Variants in TTI1 observed in about 807,000 individuals in gnomAD.
The protein encoded by TTI1 is TELO2 interacting protein 1.
In TTI1, 52 loss-of-function variants were observed where a neutral mutation model predicts 85.4. That is an observed-to-expected ratio of 0.61 (90% confidence interval 0.49 to 0.77). TTI1 has a LOEUF of 0.77. TTI1 is among the 30% of genes least tolerant of loss of function. The probability of loss-of-function intolerance (pLI) is 0.00; values close to 1 mark genes in which losing one functional copy is unlikely to be tolerated. For synonymous variants in TTI1, 512 were observed against 503.9 expected (o/e 1.02, Z -0.22); for missense variants, 1,173 against 1,296.0 (o/e 0.91, Z 1.46).
At position 37,983,522 on chromosome 20, in the gene TTI1, G is replaced by A. The variant is rs201384308; in HGVS notation, c.3204C>T (p.His1068=). Residue 1068 remains histidine (H), a synonymous_variant, in exon 8 of 8, where the codon CAC becomes CAT. Coordinates refer to ENST00000373447, the MANE Select transcript of TTI1 (RefSeq NM_001303457.2). The stretch of plus-strand genomic sequence containing the variant: ...AGGGGTTCTGCTGCCCGCTGGCCCC[G>A]TGCAGCTGCACAGGGTGGAGGCTGG... The part of the protein sequence containing the change: ...PHPSLHPVQL[H]GASGQQNPYT... 103 of 1,611,702 alleles carry A rather than the reference G, an allele frequency of 6.4e-5. 1 individual carries two copies. The African/African-American group carries it at 6.4e-4, about 10-fold the overall frequency.
chr20:37,996,881 G>A lies in TTI1; in HGVS notation c.2866C>T (p.Leu956=). ...SRFCKDVLPK[L]AGSLVTQAPI... Reference sequence around the variant, plus strand: ...GCCTGGGTGACTAGGGAGCCAGCCAGCTTTGGCAGGACATCTTTGCAGAAC... The same window carrying A: ...GCCTGGGTGACTAGGGAGCCAGCCAACTTTGGCAGGACATCTTTGCAGAAC... The change falls in exon 6 of 8, where the codon CTG becomes TTG. Residue 956 remains leucine, a synonymous_variant. Coordinates refer to ENST00000373447, the MANE Select transcript of TTI1 (RefSeq NM_001303457.2). 1.2e-6 allele frequency: 2 copies of A among 1,614,170 alleles called. No homozygotes were observed. Among genetic ancestry groups the A allele is most frequent in the Non-Finnish European group, 1.7e-6 (2 of 1,180,042 alleles).
intron 1 of TTI1, among the ~76,000 whole-genome samples, chr20:38,020,323 A>AAAAAAAATATATATATATATATAT: frequency 6.0e-5 from 3 of 50,380 alleles, no homozygotes; most frequent in African/African-American, 1.8e-4. Flanking sequence ...AAAAAAAAAA[A>AAAAAAAATATATATATATATATAT]ATATATATAT....
intron 1 of TTI1, among the ~76,000 whole-genome samples, chr20:38,019,317 A>G (rs902916148): frequency 1.3e-5 from 2 of 152,198 alleles, no homozygotes; most frequent in African/African-American, 2.4e-5. Flanking sequence ...GTAAATATAA[A>G]AAAATTAACT....
Position 38,012,693 on chromosome 20 carries a change from G to C in TTI1, c.1124C>G (p.Ser375Ter), listed in dbSNP as rs368184145. 1 of 1,614,218 alleles carries C rather than the reference G, an allele frequency of 6.2e-7. No individual in the cohort carries two copies. The highest frequency in any genetic ancestry group is 8.5e-7 in the Non-Finnish European group (1 of 1,180,042). The change falls in exon 2 of 8, where the codon TCA becomes TGA. Residue 375 changes from serine to a stop codon, truncating the protein, a stop_gained. Transcript: ENST00000373447. LOFTEE classifies it high-confidence loss of function. ...VGNKALADIL[S>*]ESLHSLATSL... ...TGTGGCAAGGGAATGCAGGCTTTCT[G>C]ACAAGATGTCAGCGAGGGCTTTGTT... is the stretch of plus-strand genomic sequence containing the variant.
chr20:37,985,979 G>A (rs2073185541), intron 7 of TTI1, among the ~76,000 whole-genome samples: 5 of 152,182 alleles, frequency 3.3e-5, no homozygotes, highest in African/African-American at 2.4e-5. Flanking sequence ...GATGAGGCCT[G>A]CGTGGGAGAC....
At chr20:38,002,226 A>G (rs1456733040) in intron 4 of TTI1, among the ~76,000 whole-genome samples, 1 of 152,156 alleles carries the variant, frequency 6.6e-6, no homozygotes, top group Non-Finnish European at 1.5e-5. Context: ...AGTCTATATT[A>G]GGAAGTGTTC....
intron 2 of TTI1, among the ~76,000 whole-genome samples, chr20:38,008,018 T>C (rs1313737705): frequency 6.6e-6 from 1 of 152,242 alleles, no homozygotes; most frequent in Non-Finnish European, 1.5e-5. Context: ...TGCTCACAAA[T>C]GGCTTTTAAA....
At position 38,008,561 on chromosome 20, in the gene TTI1, C is replaced by T. The variant is rs1600632011; in HGVS notation, c.2303-2164G>A. 1.1e-4 allele frequency among the ~76,000 whole-genome samples: 17 copies of T among 152,298 alleles called. No individual in the cohort carries two copies. The South Asian group carries it at 3.5e-3, about 32-fold the overall frequency. On this transcript the variant is annotated intron_variant, in intron 2 of 7. Transcript: ENST00000373447. ...CAGCTAACCAGCAGTTGGGATTAAG[C>T]AGTAATTAACTGATGCTTCTTGCCC... is the stretch of plus-strand genomic sequence containing the variant.
chr20:38,006,035 G>T, intron 3 of TTI1, 162 bp downstream of exon 3: 2 of 849,444 alleles, frequency 2.4e-6, no homozygotes, highest in Non-Finnish European at 3.6e-6. Flanking sequence ...TAACAGAAAA[G>T]AATGGAAAAA....
chr20:38,025,379 G>C (rs901768621), intron 1 of TTI1, among the ~76,000 whole-genome samples: 1 of 152,030 alleles, frequency 6.6e-6, no homozygotes, highest in African/African-American at 2.4e-5. Context: ...GACCAGCCTG[G>C]CCAACATGGT....
chr20:38,006,159 G>A, intron 3 of TTI1, 38 bp downstream of exon 3: 1 of 1,608,826 alleles, frequency 6.2e-7, no homozygotes, highest in Non-Finnish European at 8.5e-7. Context: ...ATCTGTTTCA[G>A]AAAGAAAAAA....
intron 7 of TTI1, among the ~76,000 whole-genome samples, chr20:37,992,109 C>A (rs901127482): frequency 6.6e-6 from 1 of 152,206 alleles, no homozygotes; most frequent in African/African-American, 2.4e-5. Flanking sequence ...ATAACAGCAT[C>A]CAGGACTTGC....
intron 1 of TTI1, among the ~76,000 whole-genome samples, chr20:38,014,097 T>A (rs2073646540): frequency 6.6e-6 from 1 of 152,116 alleles, no homozygotes; most frequent in Non-Finnish European, 1.5e-5. Context: ...GGAAGTCATA[T>A]CCTGAGGAAG....
intron 1 of TTI1, among the ~76,000 whole-genome samples, chr20:38,020,164 G>A (rs1196851281): frequency 2.0e-5 from 3 of 151,310 alleles, no homozygotes; most frequent in Non-Finnish European, 2.9e-5. Context: ...TTGGCATAAA[G>A]AAAAATGAAC....
intron 2 of TTI1, 88 bp downstream of exon 2, chr20:38,011,427 A>G (rs923726360): frequency 2.7e-6 from 4 of 1,464,492 alleles, no homozygotes; most frequent in Admixed American, 4.2e-5. Flanking sequence ...TAGCATCACC[A>G]CAAACAATGC....
intron 3 of TTI1, 82 bp downstream of exon 3, chr20:38,006,115 C>A (rs1235723006): frequency 2.6e-6 from 4 of 1,511,786 alleles, no homozygotes; most frequent in Admixed American, 3.4e-5. Context: ...TATTTCTACC[C>A]TTTCTGTAAT....
intron 7 of TTI1, among the ~76,000 whole-genome samples, chr20:37,986,723 G>A (rs1479888986): frequency 6.6e-6 from 1 of 152,224 alleles, no homozygotes; most frequent in East Asian, 1.9e-4. Flanking sequence ...AGTATATGAT[G>A]AAAACAGTAT....
rs1174886469 is a variant in TTI1 at position 38,012,182 on chromosome 20, A to G, written c.1635T>C (p.His545=). The change falls in exon 2 of 8, where the codon CAT becomes CAC. Residue 545 remains histidine (H), a synonymous_variant. Transcript: ENST00000373447. ...TCAGTTCTTCTGGGTTTGTTTTAAT[A>G]TGTTTTTCGTGAAGATCCTCAACCT... ...GLEVEDLHEK[H]IKTNPEELRE... 9 of 1,614,016 alleles carry G rather than the reference A, an allele frequency of 5.6e-6. No individual in the cohort carries two copies. Among genetic ancestry groups the G allele is most frequent in the Non-Finnish European group, 7.6e-6 (9 of 1,180,036 alleles).
intron 7 of TTI1, among the ~76,000 whole-genome samples, chr20:37,989,690 C>T (rs181154097): frequency 9.8e-5 from 15 of 152,352 alleles, no homozygotes; most frequent in Admixed American, 3.3e-4. Flanking sequence ...GCTGCACTCT[C>T]GGGCCACATT....
Sources: gnomAD v4.1 joint callset for allele counts (sites outside exome capture counted in the v4.1 genomes callset) on GRCh38, gnomAD v4.1.1 for gene constraint, MANE v1.5 for transcripts, NCBI Gene and HGNC (gene_info 2026-07-23, HGNC 2026-07-21) for gene names.